Variants in ZNF839 observed in about 807,000 individuals in gnomAD.
ZNF839 encodes zinc finger protein 839.
ZNF839 carries 38 observed loss-of-function variants against 56.4 expected under a neutral mutation model. The ratio of observed to expected loss-of-function variants is 0.67; its 90% CI spans 0.52 to 0.88. The LOEUF (loss-of-function observed/expected upper bound fraction) is 0.88, where lower values mean the gene tolerates loss of function less well. Among genes scored for constraint, ZNF839 ranks in the 40% least tolerant of loss-of-function variants. The pLI is 0.00. For missense variants in ZNF839, 1,091 were observed against 1,177.6 expected, an observed-to-expected ratio of 0.93 and a Z score of 1.08; for synonymous variants, 486 against 493.5, an observed-to-expected ratio of 0.98 and a Z score of 0.20.
rs1368119518 is a variant in ZNF839, at chr14:102,326,749, C to T, written c.1053C>T (p.Ala351=). The stretch of plus-strand genomic sequence containing the variant: ...CCGAGATGGTGCTGTCTGAGAAAGC[C>T]AGTGGAAGCACCCTCCGGGGGTGCA... ...LDPEMVLSEK[A]SGSTLRGCTE... is the part of the protein sequence containing the mutation. Residue 351 remains alanine (A), a synonymous_variant, in exon 2 of 8, where the codon GCC becomes GCT. Transcript: ENST00000442396. The surrounding 1 kb of genome is among the most constrained non-coding windows in gnomAD (Gnocchi z 4.3). 6.2e-7 allele frequency: 1 copy of T among 1,613,290 alleles called. No homozygotes were observed. The highest frequency in any genetic ancestry group is 1.1e-5 in the South Asian group (1 of 90,960).
intron 2 of ZNF839, among the ~76,000 whole-genome samples, chr14:102,330,095 T>G (rs2073699568): frequency 6.6e-6 from 1 of 152,014 alleles, no homozygotes; most frequent in African/African-American, 2.4e-5. Flanking sequence ...GCGCCCGGCC[T>G]CAGATTTTCT....
chr14:102,336,436 AG>A (rs555163051), intron 5 of ZNF839, among the ~76,000 whole-genome samples: 2 of 152,106 alleles, frequency 1.3e-5, no homozygotes, highest in South Asian at 4.2e-4. Context: ...CTGGGATTAG[AG>A]GCGCACACCA....
intron 5 of ZNF839, among the ~76,000 whole-genome samples, chr14:102,338,283 A>G (rs947607333): frequency 1.3e-5 from 2 of 152,202 alleles, no homozygotes; most frequent in African/African-American, 4.8e-5. Flanking sequence ...CACGCCTGTA[A>G]TCCCAACACT....
chr14:102,334,478 T>C (rs2073928458), intron 3 of ZNF839, 76 bp from the exon 4 acceptor site: 4 of 1,015,112 alleles, frequency 3.9e-6, no homozygotes, highest in East Asian at 5.2e-5. Context: ...TTTTATGTTG[T>C]ATATTGCACC....
At chr14:102,340,814 G>A (rs1326339136) in intron 7 of ZNF839, among the ~76,000 whole-genome samples, 1 of 152,114 alleles carries the variant, frequency 6.6e-6, no homozygotes, top group Admixed American at 6.5e-5. Flanking sequence ...GCTCATGCCT[G>A]TAATCCCAGC....
intron 5 of ZNF839, 56 bp downstream of exon 5, chr14:102,335,894 A>G: frequency 1.9e-6 from 3 of 1,589,712 alleles, no homozygotes; most frequent in Non-Finnish European, 1.7e-6. Context: ...CAGAAGAAAG[A>G]AGGGCCACGT....
intron 5 of ZNF839, chr14:102,336,916 T>C (rs1439860019): frequency 9.7e-6 from 2 of 205,668 alleles, no homozygotes; most frequent in South Asian, 6.5e-5. Flanking sequence ...AAATTTTTCG[T>C]AGAGAAGGGG....
At chr14:102,339,976 TA>T (rs1886322424) in intron 7 of ZNF839, among the ~76,000 whole-genome samples, 1 of 151,644 alleles carries the variant, frequency 6.6e-6, no homozygotes, top group East Asian at 1.9e-4. Context: ...ATTATATATA[TA>T]AATTTTTTTT....
At position 102,342,007 on chromosome 14, in the gene ZNF839, C is replaced by G. The variant is rs1041435011; in HGVS notation, c.2612C>G (p.Ala871Gly). Reference protein sequence around the residue: ...ESVVAVGEAMAFEISNGSHEL... With the variant: ...ESVVAVGEAMGFEISNGSHEL... ...GTGGTTGCTGTCGGCGAAGCCATGGCTTTTGAAATTTCCAATGGGAGCCAT... is the reference window on the plus strand; with the variant it reads ...GTGGTTGCTGTCGGCGAAGCCATGGGTTTTGAAATTTCCAATGGGAGCCAT... The change falls in exon 8 of 8, where the codon GCT (alanine) becomes GGT (glycine). Residue 871 changes from alanine (A) to glycine (G), a missense_variant. By Grantham distance (60) the Ala-to-Gly change is moderately conservative (BLOSUM62 0). Transcript: ENST00000442396. The G allele has an allele frequency of 2.5e-6, 4 of 1,613,876 alleles. No homozygotes were observed. The highest frequency in any genetic ancestry group is 2.7e-5 in the African/African-American group (2 of 74,936).
chr14:102,341,068 CAAAAAAAAA>C, intron 7 of ZNF839: 1 of 80,730 alleles, frequency 1.2e-5, no homozygotes, highest in Non-Finnish European at 2.4e-5. Context: ...GACTCCATCT[CAAAAAAAAA>C]AAAAAAAAAA....
In ZNF839 at chr14:102,341,568, G is replaced by A. The variant is rs895597263; in HGVS notation, c.2173G>A (p.Gly725Arg). 1.2e-6 allele frequency: 2 copies of A among 1,613,264 alleles called. No individual in the cohort carries two copies. The highest frequency in any genetic ancestry group is 1.7e-6 in the Non-Finnish European group (2 of 1,179,520). Residue 725 changes from glycine (G) to arginine (R), a missense_variant, in exon 8 of 8, where the codon GGA (glycine) becomes AGA (arginine). Around this residue, in one of 3 missense-constraint regions of ZNF839, gnomAD observed 431 missense variants for 468.0 expected, o/e 0.92. Transcript: ENST00000442396. ...LTQAQVAAFPGENALEHSSDQ... is the reference protein window; with the variant it reads ...LTQAQVAAFPRENALEHSSDQ... ...CCAGGCACAGGTGGCAGCGTTTCCT[G>A]GAGAGAATGCTTTGGAACACTCTTC...
chr14:102,331,733 C>G lies in ZNF839; in HGVS notation c.1303C>G (p.Leu435Val), dbSNP rs1440281205. The G allele has an allele frequency of 6.2e-7, 1 of 1,606,588 alleles. No individual in the cohort carries two copies. Among genetic ancestry groups the G allele is most frequent in the Admixed American group, 1.7e-5 (1 of 58,688 alleles). The change falls in exon 3 of 8, where the codon CTT becomes GTT. Residue 435 changes from leucine to valine, a missense_variant. Physicochemically the swap from Leu to Val is conservative, Grantham distance 32 (BLOSUM62 1). Transcript: ENST00000442396. ...TAGAAGACGCGCATGCTCAGAGACC[C>G]TTGCAGAGTCCCGCACAGCTGTCCT... is the stretch of plus-strand genomic sequence containing the variant. ...GPRRRACSET[L>V]AESRTAVLQQ...
In ZNF839 at chr14:102,326,487, A is replaced by T; in HGVS notation, c.791A>T (p.Tyr264Phe). ...SRPPKYKAKD[Y>F]KFIKTEDLAD... ...CCTCCCAAATATAAAGCTAAAGATTATAAGTTCATAAAAACAGAGGATCTG... is the reference window on the plus strand; with the variant it reads ...CCTCCCAAATATAAAGCTAAAGATTTTAAGTTCATAAAAACAGAGGATCTG... Residue 264 changes from tyrosine (Y) to phenylalanine (F), a missense_variant, in exon 2 of 8, where the codon TAT (tyrosine) becomes TTT (phenylalanine). Tyr to Phe is a conservative substitution (Grantham distance 22, BLOSUM62 3). This residue lies in a region of ZNF839 where 614 missense variants were observed against 629.2 expected (regional missense o/e 0.98). Coordinates refer to ENST00000442396, the MANE Select transcript of ZNF839 (RefSeq NM_018335.6). This position sits in a 1 kb window ranked among gnomAD's most constrained non-coding sequence, Gnocchi z 4.3. The T allele has an allele frequency of 1.2e-6, 2 of 1,614,052 alleles. No homozygotes were observed. Among genetic ancestry groups the T allele is most frequent in the Non-Finnish European group, 1.7e-6 (2 of 1,179,892 alleles).
chr14:102,335,821 G>A lies in ZNF839; in HGVS notation c.1642G>A (p.Glu548Lys), dbSNP rs1597728757. Residue 548 changes from glutamate (E) to lysine (K), a missense_variant, in exon 5 of 8, where the codon GAA (glutamate) becomes AAA (lysine). By Grantham distance (56) the Glu-to-Lys change is moderately conservative. This residue lies in a region of ZNF839 where 46 missense variants were observed against 80.4 expected (regional missense o/e 0.57). Transcript: ENST00000442396. Reference sequence around the variant, plus strand: ...TGGTCTGTGTTCCCAGGAGACCCTGGAAATAAACAATGATAAGGTAACAAT... The same window carrying A: ...TGGTCTGTGTTCCCAGGAGACCCTGAAAATAAACAATGATAAGGTAACAAT... The part of the protein sequence containing the change: ...SSGLCSQETL[E>K]INNDKVAESL... 1.9e-6 allele frequency: 3 copies of A among 1,609,836 alleles called. No individual in the cohort carries two copies. Among genetic ancestry groups the A allele is most frequent in the Non-Finnish European group, 2.5e-6 (3 of 1,179,782 alleles).
rs566852704 is a variant in ZNF839, at chr14:102,331,804, A to C, written c.1374A>C (p.Ala458=). The stretch of plus-strand genomic sequence containing the variant: ...AGCTACCTGGTGGCCCTGCTGCGGC[A>C]GGGGAGCAGAGGGCGTCGCCAAGCA... ...AAQLPGGPAA[A]GEQRASPSKA... The change falls in exon 3 of 8, where the codon GCA becomes GCC. Residue 458 remains alanine (A), a synonymous_variant. Coordinates refer to ENST00000442396, the MANE Select transcript of ZNF839 (RefSeq NM_018335.6). 1.6e-5 allele frequency: 25 copies of C among 1,588,688 alleles called. No individual in the cohort carries two copies. The East Asian group carries it at 5.7e-4, about 36-fold the overall frequency.
chr14:102,318,735 GA>G (rs1301086134), upstream of ZNF839, among the ~76,000 whole-genome samples: 2 of 152,316 alleles, frequency 1.3e-5, no homozygotes, highest in East Asian at 3.9e-4. Context: ...TATTGATGAG[GA>G]TGGTGGTGAT....
chr14:102,325,749 C>T (rs1415845317), intron 1 of ZNF839, among the ~76,000 whole-genome samples: 1 of 152,118 alleles, frequency 6.6e-6, no homozygotes, highest in African/African-American at 2.4e-5. Context: ...CCTGCCTTGG[C>T]CTCCCAAAGT....
Position 102,334,573 on chromosome 14 carries a change from G to A in ZNF839, c.1436G>A (p.Arg479Gln), listed in dbSNP as rs748007284. 5.3e-5 allele frequency: 86 copies of A among 1,611,190 alleles called. No individual in the cohort carries two copies. The highest frequency in any genetic ancestry group is 3.3e-4 in the Middle Eastern group (2 of 6,078). The change falls in exon 4 of 8, where the codon CGG (arginine) becomes CAG (glutamine). Residue 479 changes from arginine (R) to glutamine (Q), a missense_variant. Arg to Gln is a conservative substitution (Grantham distance 43, BLOSUM62 1). Around this residue, in one of 3 missense-constraint regions of ZNF839, gnomAD observed 614 missense variants for 629.2 expected, o/e 0.98. Transcript: ENST00000442396. The stretch of plus-strand genomic sequence containing the variant: ...TGGTAGTTCCTCCAGCAGTGTGACC[G>A]GGAGGATCTGGTGGAATTGGCTCTG... ...RLKEFLQQCD[R>Q]EDLVELALPQ...
At chr14:102,336,130 G>C (rs1350610392) in intron 5 of ZNF839, among the ~76,000 whole-genome samples, 1 of 150,646 alleles carries the variant, frequency 6.6e-6, no homozygotes, top group Admixed American at 6.6e-5. Context: ...AGTAAGCTGA[G>C]ATTGCACCAT....
Sources: allele counts gnomAD v4.1 joint callset (sites outside exome capture counted in the v4.1 genomes callset), GRCh38; gene constraint gnomAD v4.1.1; regional missense constraint gnomAD v4.1.1; non-coding constraint Gnocchi (gnomAD v3.1); transcripts MANE v1.5; gene names NCBI Gene and HGNC (gene_info 2026-07-23, HGNC 2026-07-21).